Variants in CYP19A1 observed in about 807,000 individuals in gnomAD.
CYP19A1 encodes the protein aromatase.
CYP19A1 carries 32 observed loss-of-function variants against 44.4 expected under a neutral mutation model. The ratio of observed to expected loss-of-function variants is 0.72; its 90% CI spans 0.54 to 0.97. CYP19A1 has a LOEUF of 0.97. CYP19A1 is among the 50% of genes least tolerant of loss of function. CYP19A1 has a pLI of 0.00. For missense variants in CYP19A1, 598 were observed against 637.8 expected (o/e 0.94, Z 0.67); for synonymous variants, 212 against 215.6 (o/e 0.98, Z 0.14).
At chr15:51,247,445 C>A (rs1022125370) in intron 1 of CYP19A1, among the ~76,000 whole-genome samples, 8 of 149,022 alleles carry the variant, frequency 5.4e-5, no homozygotes, top group Non-Finnish European at 7.4e-5. Flanking sequence ...CTCCCCCTGT[C>A]CTTACTTTTT....
intron 1 of CYP19A1, among the ~76,000 whole-genome samples, chr15:51,251,952 T>C (rs912195566): frequency 6.6e-6 from 1 of 152,188 alleles, no homozygotes; most frequent in Non-Finnish European, 1.5e-5. Flanking sequence ...AGGGCCCCTC[T>C]TATCTCTGTA....
chr15:51,226,118 C>T (rs1315158447), intron 4 of CYP19A1, among the ~76,000 whole-genome samples: 1 of 92,414 alleles, frequency 1.1e-5, no homozygotes, highest in East Asian at 3.2e-4. Flanking sequence ...AAAAAAAAAG[C>T]AAAGAACCTT....
intron 1 of CYP19A1, among the ~76,000 whole-genome samples, chr15:51,326,301 C>A (rs2036607652): frequency 6.6e-6 from 1 of 152,132 alleles, no homozygotes; most frequent in Non-Finnish European, 1.5e-5. Flanking sequence ...TTCCAAGTGG[C>A]CAGAGGCGAA....
chr15:51,222,341 T>A lies in CYP19A1; in HGVS notation c.628+8A>T, dbSNP rs367642753. 2 of 1,614,036 alleles carry A rather than the reference T, an allele frequency of 1.2e-6. No individual in the cohort carries two copies. The highest frequency in any genetic ancestry group is 8.5e-7 in the Non-Finnish European group (1 of 1,180,022). On this transcript the variant is annotated splice_region_variant and intron_variant, in intron 5 of 9. Transcript: ENST00000396402. ...ATGGTCAAGATGTGAGAGTGAAAAT[T>A]TCAGTACCGTCCAAAGGGATCCTCA...
At chr15:51,289,551 T>C (rs902475033) in intron 1 of CYP19A1, among the ~76,000 whole-genome samples, 3 of 152,164 alleles carry the variant, frequency 2.0e-5, no homozygotes, top group African/African-American at 7.2e-5. Flanking sequence ...GGCTGGGTCC[T>C]TTGGGGCCTT....
At chr15:51,212,906 C>G (rs940026486) in intron 8 of CYP19A1, among the ~76,000 whole-genome samples, 1 of 152,182 alleles carries the variant, frequency 6.6e-6, no homozygotes, top group African/African-American at 2.4e-5. Flanking sequence ...ATACATCATA[C>G]AGTTCCATCT....
intron 1 of CYP19A1, among the ~76,000 whole-genome samples, chr15:51,254,435 T>C (rs2034441349): frequency 6.6e-6 from 1 of 152,206 alleles, no homozygotes; most frequent in Non-Finnish European, 1.5e-5. Context: ...TGTGACTTTT[T>C]ACTTCTGAGA....
intron 1 of CYP19A1, among the ~76,000 whole-genome samples, chr15:51,318,105 G>A (rs1395119116): frequency 6.6e-6 from 1 of 152,076 alleles, no homozygotes; most frequent in African/African-American, 2.4e-5. Context: ...CCCTCACAAG[G>A]CTGTCACAGC....
intron 1 of CYP19A1, among the ~76,000 whole-genome samples, chr15:51,295,316 G>A (rs1421578840): frequency 2.6e-5 from 4 of 152,032 alleles, no homozygotes; most frequent in African/African-American, 4.8e-5. Flanking sequence ...GCACAGGAGC[G>A]CAGACCAGCC....
At chr15:51,321,060 G>C (rs2036519185) in intron 1 of CYP19A1, 1 of 152,374 alleles carries the variant, frequency 6.6e-6, no homozygotes, top group South Asian at 2.1e-4. Flanking sequence ...TCCACCCTGT[G>C]CCTTCAACCC....
chr15:51,226,316 G>A (rs747101813), intron 4 of CYP19A1, among the ~76,000 whole-genome samples: 5 of 152,178 alleles, frequency 3.3e-5, no homozygotes, highest in Non-Finnish European at 5.9e-5. Flanking sequence ...AGAGCCCCCA[G>A]AAAGGCACAT....
At chr15:51,274,078 G>T (rs983923424) in intron 1 of CYP19A1, among the ~76,000 whole-genome samples, 3 of 152,110 alleles carry the variant, frequency 2.0e-5, no homozygotes, top group African/African-American at 7.2e-5. Flanking sequence ...GATAAAAGGA[G>T]ACTTCCTTTG....
chr15:51,233,573 A>G (rs2033184383), intron 3 of CYP19A1, among the ~76,000 whole-genome samples: 1 of 152,262 alleles, frequency 6.6e-6, no homozygotes, highest in South Asian at 2.1e-4. Flanking sequence ...ATAAATTCTC[A>G]GTAAATGTAT....
At chr15:51,218,685 G>T (rs749846774) in intron 5 of CYP19A1, 30 bp from the exon 6 acceptor site, 1 of 1,595,210 alleles carries the variant, frequency 6.3e-7, no homozygotes, top group South Asian at 1.1e-5. Flanking sequence ...ACATACACAA[G>T]AAAGAGCAGT....
At chr15:51,231,860 C>G (rs12594293) in intron 3 of CYP19A1, among the ~76,000 whole-genome samples, 21,209 of 151,920 alleles carry the variant, frequency 0.14, 2,519 homozygotes, top group African/African-American at 0.31. Flanking sequence ...CCACAATCCC[C>G]AACGACCCGG....
chr15:51,306,409 GT>G lies in CYP19A1; in HGVS notation c.-39+32085del, dbSNP rs575708257. On this transcript the variant is annotated intron_variant, in intron 1 of 9. Coordinates refer to ENST00000396402, the MANE Select transcript of CYP19A1 (RefSeq NM_000103.4). ...AGCAGTTTTTGTTTTTTTGTTTTTT[GT>G]TTTTTTTCTAAAAACTAGTGAATCA... Among the ~76,000 whole-genome samples the G allele has an allele frequency of 6.2e-4, 93 of 150,158 alleles. 2 individuals are homozygous for G. The South Asian group carries it at 0.016, about 25-fold the overall frequency.
intron 1 of CYP19A1, among the ~76,000 whole-genome samples, chr15:51,334,709 T>C (rs1426053148): frequency 6.6e-6 from 1 of 152,224 alleles, no homozygotes; most frequent in Non-Finnish European, 1.5e-5. Flanking sequence ...AGCCTACTAA[T>C]GTTGGAATGG....
chr15:51,332,506 ATC>A (rs1425278129), intron 1 of CYP19A1, among the ~76,000 whole-genome samples: 1 of 152,194 alleles, frequency 6.6e-6, no homozygotes, highest in East Asian at 1.9e-4. Flanking sequence ...GTCTATTATT[ATC>A]TGTCTGAATT....
intron 1 of CYP19A1, among the ~76,000 whole-genome samples, chr15:51,270,597 A>T (rs2035088474): frequency 6.6e-6 from 1 of 152,180 alleles, no homozygotes; most frequent in Non-Finnish European, 1.5e-5. Flanking sequence ...ATCTTATCTC[A>T]TTTGAGTCTT....
Sources: allele counts gnomAD v4.1 joint callset (sites outside exome capture counted in the v4.1 genomes callset), GRCh38; gene constraint gnomAD v4.1.1; transcripts MANE v1.5; gene names NCBI Gene and HGNC (gene_info 2026-07-23, HGNC 2026-07-21).